DLGAP1: variants seen among roughly 807,000 people sequenced by gnomAD.
The protein encoded by DLGAP1 is DLG associated protein 1, also known as disks large-associated protein 1.
DLGAP1 carries 11 observed loss-of-function variants against 90.8 expected under a neutral mutation model. The observed-to-expected ratio is 0.12, with a 90% CI of 0.08 to 0.20. The LOEUF is 0.20. DLGAP1 is among the 10% of genes least tolerant of loss of function. The probability of loss-of-function intolerance (pLI) is 1.00; values close to 1 mark genes in which losing one functional copy is unlikely to be tolerated. For missense variants in DLGAP1, 1,050 were observed against 1,333.8 expected (o/e 0.79, Z 3.31); for synonymous variants, 558 against 540.7 (o/e 1.03, Z -0.44).
intron 3 of DLGAP1, among the ~76,000 whole-genome samples, chr18:3,938,726 C>T (rs532090341): frequency 6.6e-6 from 1 of 152,152 alleles, no homozygotes; most frequent in Non-Finnish European, 1.5e-5. Flanking sequence ...AGGAAGTTCA[C>T]AAGACAGCAG....
intron 2 of DLGAP1, among the ~76,000 whole-genome samples, chr18:4,071,577 CA>C (rs1386229919): frequency 2.0e-5 from 3 of 151,864 alleles, no homozygotes; most frequent in Non-Finnish European, 4.4e-5. Flanking sequence ...ACACAGCCAT[CA>C]CCGCATTCTA....
intron 9 of DLGAP1, among the ~76,000 whole-genome samples, chr18:3,546,700 A>G (rs1568169959): frequency 6.6e-6 from 1 of 151,872 alleles, no homozygotes; most frequent in Non-Finnish European, 1.5e-5. Flanking sequence ...ACCGAATGAA[A>G]AAGAAAAAAC....
At chr18:4,393,683 C>T (rs2082382269) in intron 1 of DLGAP1, among the ~76,000 whole-genome samples, 1 of 152,206 alleles carries the variant, frequency 6.6e-6, no homozygotes, top group East Asian at 1.9e-4. Flanking sequence ...CTCTTTTACT[C>T]ACCTGGAGTC....
chr18:4,135,790 C>T (rs868190550), intron 2 of DLGAP1, among the ~76,000 whole-genome samples: 99 of 127,294 alleles, frequency 7.8e-4, no homozygotes, highest in African/African-American at 1.3e-3. Flanking sequence ...GAATCTGATT[C>T]TTTTTTTTTT....
chr18:4,001,443 T>G (rs1231400846), intron 3 of DLGAP1, among the ~76,000 whole-genome samples: 1 of 152,184 alleles, frequency 6.6e-6, no homozygotes, highest in African/African-American at 2.4e-5. Context: ...CCTCAAATCA[T>G]TTTTCTTTAT....
chr18:4,057,567 C>T (rs1451370436), intron 2 of DLGAP1, among the ~76,000 whole-genome samples: 2 of 152,204 alleles, frequency 1.3e-5, no homozygotes, highest in Admixed American at 1.3e-4. Context: ...GTGAATCTCT[C>T]AAGTTGCCTG....
chr18:4,092,185 C>A (rs1438329303), intron 2 of DLGAP1, among the ~76,000 whole-genome samples: 1 of 152,158 alleles, frequency 6.6e-6, no homozygotes, highest in Non-Finnish European at 1.5e-5. Flanking sequence ...AATGTCCCTG[C>A]TCCACCCTCA....
chr18:3,616,188 T>G (rs1318076968), intron 7 of DLGAP1, among the ~76,000 whole-genome samples: 1 of 152,198 alleles, frequency 6.6e-6, no homozygotes, highest in Non-Finnish European at 1.5e-5. Context: ...GACTGCATTT[T>G]CCAAAAGTGG....
intron 2 of DLGAP1, among the ~76,000 whole-genome samples, chr18:4,127,915 G>C (rs1443212796): frequency 6.6e-6 from 1 of 152,270 alleles, no homozygotes; most frequent in Admixed American, 6.5e-5. Flanking sequence ...CTATGCAACA[G>C]GTTCATGTGT....
chr18:3,557,230 G>A (rs2053806103), intron 9 of DLGAP1, among the ~76,000 whole-genome samples: 1 of 152,016 alleles, frequency 6.6e-6, no homozygotes, highest in African/African-American at 2.4e-5. Context: ...ATTTTAATAA[G>A]TTGTATTTCT....
intron 2 of DLGAP1, among the ~76,000 whole-genome samples, chr18:4,141,173 T>C (rs1426130969): frequency 6.6e-6 from 1 of 152,064 alleles, no homozygotes; most frequent in Admixed American, 6.6e-5. Flanking sequence ...AACTCTTAGA[T>C]TTTCTTTTTT....
At chr18:3,996,631 A>G (rs1262535414) in intron 3 of DLGAP1, among the ~76,000 whole-genome samples, 2 of 152,048 alleles carry the variant, frequency 1.3e-5, no homozygotes, top group Non-Finnish European at 2.9e-5. Flanking sequence ...TTATATTTAG[A>G]TATGTCAAAC....
intron 5 of DLGAP1, among the ~76,000 whole-genome samples, chr18:3,749,793 A>AT (rs1216308734): frequency 6.6e-6 from 1 of 152,076 alleles, no homozygotes; most frequent in South Asian, 2.1e-4. Context: ...AAATTTTCTT[A>AT]TTTTTTTAAT....
chr18:4,291,225 A>T (rs1163499346), intron 1 of DLGAP1, among the ~76,000 whole-genome samples: 1 of 152,190 alleles, frequency 6.6e-6, no homozygotes, highest in East Asian at 1.9e-4. Context: ...ATACAGACTG[A>T]GTAGATGTCA....
chr18:4,079,043 C>T (rs1462695210), intron 2 of DLGAP1, among the ~76,000 whole-genome samples: 1 of 152,094 alleles, frequency 6.6e-6, no homozygotes, highest in African/African-American at 2.4e-5. Context: ...TTATCATTGG[C>T]AGAAGACACC....
intron 1 of DLGAP1, among the ~76,000 whole-genome samples, chr18:4,375,514 C>T (rs913598716): frequency 2.6e-5 from 4 of 152,064 alleles, no homozygotes; most frequent in African/African-American, 7.2e-5. Flanking sequence ...TTTAAGTTTT[C>T]GAAACTGAGA....
chr18:3,665,365 A>T (rs1171118225), intron 7 of DLGAP1, among the ~76,000 whole-genome samples: 2 of 149,814 alleles, frequency 1.3e-5, no homozygotes, highest in African/African-American at 4.9e-5. Flanking sequence ...TGCTCTCAGT[A>T]TTATTTTCTT....
chr18:3,741,295 A>C, intron 6 of DLGAP1, among the ~76,000 whole-genome samples: 3 of 86,174 alleles, frequency 3.5e-5, no homozygotes, highest in South Asian at 4.2e-4. Context: ...CACCACCACC[A>C]CCACCACATC....
intron 2 of DLGAP1, among the ~76,000 whole-genome samples, chr18:4,129,064 T>C (rs1388583538): frequency 6.6e-6 from 1 of 152,146 alleles, no homozygotes; most frequent in Admixed American, 6.5e-5. Context: ...GCAAGGGGCA[T>C]TTGCAGTCAA....
Sources: allele counts gnomAD v4.1 joint callset (sites outside exome capture counted in the v4.1 genomes callset), GRCh38; gene constraint gnomAD v4.1.1; transcripts MANE v1.5; gene names NCBI Gene and HGNC (gene_info 2026-07-23, HGNC 2026-07-21).